Variants in SLCO2A1 observed in about 807,000 individuals in gnomAD.
SLCO2A1 encodes the protein solute carrier organic anion transporter family member 2A1, also known as matrin F/G 1.
Under a neutral mutation model 71.7 loss-of-function variants are expected in SLCO2A1, and 60 were observed. The observed-to-expected ratio is 0.84, with a 90% CI of 0.68 to 1.04. SLCO2A1 has a LOEUF of 1.04. SLCO2A1 is among the 50% of genes least tolerant of loss of function. SLCO2A1 has a pLI of 0.00. For synonymous variants in SLCO2A1, 308 were observed against 326.7 expected, an observed-to-expected ratio of 0.94 and a Z score of 0.62; for missense variants, 745 against 813.4, an observed-to-expected ratio of 0.92 and a Z score of 1.02.
chr3:133,955,943 G>A (rs1423078022), intron 3 of SLCO2A1, among the ~76,000 whole-genome samples: 2 of 152,184 alleles, frequency 1.3e-5, no homozygotes, highest in African/African-American at 4.8e-5. Flanking sequence ...GACACCCTGG[G>A]TGAGGCCTGT....
At chr3:134,002,590 AG>A (rs1445072571) in intron 1 of SLCO2A1, among the ~76,000 whole-genome samples, 1 of 152,228 alleles carries the variant, frequency 6.6e-6, no homozygotes, top group African/African-American at 2.4e-5. Flanking sequence ...TTTGCCTCAG[AG>A]CAGATGTTCT....
At chr3:133,992,101 T>G (rs905434258) in intron 1 of SLCO2A1, among the ~76,000 whole-genome samples, 1 of 152,218 alleles carries the variant, frequency 6.6e-6, no homozygotes, top group African/African-American at 2.4e-5. Flanking sequence ...TTGACCACTT[T>G]TTTAGTTTAG....
chr3:133,985,133 G>C (rs1364058503), intron 1 of SLCO2A1, among the ~76,000 whole-genome samples: 1 of 152,216 alleles, frequency 6.6e-6, no homozygotes, highest in African/African-American at 2.4e-5. Context: ...CCCTAGAATA[G>C]AATTTCCCAC....
chr3:133,934,864 G>A, intron 13 of SLCO2A1, 34 bp from the exon 14 acceptor site: 2 of 1,549,550 alleles, frequency 1.3e-6, no homozygotes, highest in Non-Finnish European at 8.8e-7. Flanking sequence ...TGGTGAGGGA[G>A]GGGGCTCTGC....
At chr3:133,990,667 C>T (rs1268728328) in intron 1 of SLCO2A1, among the ~76,000 whole-genome samples, 2 of 152,180 alleles carry the variant, frequency 1.3e-5, no homozygotes, top group African/African-American at 4.8e-5. Context: ...ACTTCTCCAT[C>T]GCACTGTCTG....
At chr3:133,986,594 A>G (rs1445248837) in intron 1 of SLCO2A1, among the ~76,000 whole-genome samples, 1 of 152,232 alleles carries the variant, frequency 6.6e-6, no homozygotes, top group Admixed American at 6.5e-5. Flanking sequence ...CCTAACAAAC[A>G]TATAAAGAGG....
At chr3:133,944,885 T>C (rs142368820) in intron 10 of SLCO2A1, among the ~76,000 whole-genome samples, 2 of 152,374 alleles carry the variant, frequency 1.3e-5, no homozygotes, top group Admixed American at 6.5e-5. Context: ...CAGTCTTTAA[T>C]TGACTGTGGG....
intron 1 of SLCO2A1, among the ~76,000 whole-genome samples, chr3:133,989,195 C>T (rs542005000): frequency 2.6e-5 from 4 of 152,368 alleles, no homozygotes; most frequent in Non-Finnish European, 5.9e-5. Context: ...CAAATGGTTA[C>T]TTACAGCCCA....
intron 1 of SLCO2A1, among the ~76,000 whole-genome samples, chr3:134,000,378 G>T (rs1357162950): frequency 6.6e-6 from 1 of 152,098 alleles, no homozygotes; most frequent in Non-Finnish European, 1.5e-5. Context: ...AGGGATGGGG[G>T]TGCATACAGC....
rs1317834896 is a variant in SLCO2A1 at position 133,934,670 on chromosome 3, T to A, written c.*43A>T. On this transcript the variant is annotated 3_prime_UTR_variant, in exon 14 of 14. Transcript: ENST00000310926. Reference sequence around the variant, plus strand: ...GTGAGTATAGGCAGGTGTGGAAGAGTCAAGGTCCACTCTCTGGAGCAGGGC... The same window carrying A: ...GTGAGTATAGGCAGGTGTGGAAGAGACAAGGTCCACTCTCTGGAGCAGGGC... The A allele has an allele frequency of 2.2e-6, 3 of 1,370,986 alleles. No individual in the cohort carries two copies. In the African/African-American group the frequency reaches 4.3e-5, roughly 20 times the overall value. The allele number at this position is 1,370,986 out of a possible 1,614,324, so 84.9% of individuals were successfully genotyped here.
intron 1 of SLCO2A1, among the ~76,000 whole-genome samples, chr3:134,026,582 G>T (rs1935705168): frequency 1.3e-5 from 2 of 152,206 alleles, no homozygotes; most frequent in South Asian, 2.1e-4. Flanking sequence ...CTAGGCACAA[G>T]ACGGCTTGTG....
intron 1 of SLCO2A1, among the ~76,000 whole-genome samples, chr3:134,007,850 C>T (rs188808054): frequency 3.9e-5 from 6 of 152,354 alleles, no homozygotes; most frequent in Admixed American, 3.9e-4. Flanking sequence ...CTGATGTCCT[C>T]ATTGTTCCTG....
At chr3:133,990,404 G>A (rs543735512) in intron 1 of SLCO2A1, among the ~76,000 whole-genome samples, 2 of 152,276 alleles carry the variant, frequency 1.3e-5, no homozygotes, top group African/African-American at 4.8e-5. Context: ...CTATTTCCTG[G>A]TGCTAAACCT....
intron 4 of SLCO2A1, among the ~76,000 whole-genome samples, chr3:133,954,382 G>A (rs750046101): frequency 3.3e-5 from 5 of 152,040 alleles, no homozygotes; most frequent in African/African-American, 7.2e-5. Flanking sequence ...GGCTGGTCTC[G>A]AACTCCCGGC....
intron 1 of SLCO2A1, among the ~76,000 whole-genome samples, chr3:134,003,216 G>T (rs1935138269): frequency 1.3e-5 from 2 of 152,246 alleles, no homozygotes; most frequent in African/African-American, 2.4e-5. Context: ...GATGAGGAAA[G>T]ATTAGCTAAG....
chr3:133,973,145 T>C (rs1015281222), intron 3 of SLCO2A1, among the ~76,000 whole-genome samples: 3 of 152,212 alleles, frequency 2.0e-5, no homozygotes, highest in Non-Finnish European at 4.4e-5. Context: ...GAGACATTAA[T>C]GAACTTCAGT....
intron 1 of SLCO2A1, among the ~76,000 whole-genome samples, chr3:134,017,840 G>C (rs923139000): frequency 6.6e-6 from 1 of 152,078 alleles, no homozygotes; most frequent in Non-Finnish European, 1.5e-5. Flanking sequence ...ACACAAGCAA[G>C]ACAAAAGAAG....
At chr3:134,028,187 A>C (rs1426537438) in intron 1 of SLCO2A1, among the ~76,000 whole-genome samples, 1 of 152,096 alleles carries the variant, frequency 6.6e-6, no homozygotes, top group Non-Finnish European at 1.5e-5. Flanking sequence ...TGTTCTGGAC[A>C]CCCGTCCCTC....
At chr3:133,944,762 G>A (rs957276451) in intron 10 of SLCO2A1, among the ~76,000 whole-genome samples, 2 of 152,254 alleles carry the variant, frequency 1.3e-5, no homozygotes, top group Admixed American at 6.5e-5. Flanking sequence ...ACCCAGAGAT[G>A]CCCATGAGGA....
Sources: gnomAD v4.1 joint callset for allele counts (sites outside exome capture counted in the v4.1 genomes callset) on GRCh38, gnomAD v4.1.1 for gene constraint, MANE v1.5 for transcripts, NCBI Gene and HGNC (gene_info 2026-07-23, HGNC 2026-07-21) for gene names.